Variants in SPAG17 observed in about 807,000 individuals in gnomAD.
The protein encoded by SPAG17 is sperm associated antigen 17.
In SPAG17, 169 loss-of-function variants were observed where a neutral mutation model predicts 273.6. The ratio of observed to expected loss-of-function variants is 0.62; its 90% CI spans 0.55 to 0.70. The LOEUF (loss-of-function observed/expected upper bound fraction) is 0.70. SPAG17 is among the 30% of genes least tolerant of loss of function. The pLI, the probability that SPAG17 is intolerant of heterozygous loss-of-function variation, is 0.00. For synonymous variants in SPAG17, 825 were observed against 873.2 expected, an observed-to-expected ratio of 0.94 and a Z score of 0.97; for missense variants, 2,557 against 2,627.8, an observed-to-expected ratio of 0.97 and a Z score of 0.59.
At chr1:118,074,458 T>G in intron 16 of SPAG17, 81 bp downstream of exon 16, 1 of 1,191,660 alleles carries the variant, frequency 8.4e-7, no homozygotes. Flanking sequence ...TTCTTTTTTC[T>G]TTTTCAGTGT....
chr1:118,049,615 A>C (rs1650770607), intron 20 of SPAG17, among the ~76,000 whole-genome samples: 1 of 152,264 alleles, frequency 6.6e-6, no homozygotes, highest in South Asian at 2.1e-4. Context: ...TGATCTACAG[A>C]TTCAATACAA....
Position 117,988,716 on chromosome 1 carries a change from G to A in SPAG17, c.5522-512C>T, listed in dbSNP as rs538101774. 2.1e-3 allele frequency among the ~76,000 whole-genome samples: 324 copies of A among 151,816 alleles called. 2 individuals are homozygous for A. The highest frequency in any genetic ancestry group is 7.7e-3 in the African/African-American group (317 of 41,390). ...CATGTTTCACGGTTATATGAGCTTG[G>A]GAAACACTGATTTATCCAAGGTTAA... is the stretch of plus-strand genomic sequence containing the variant. On this transcript the variant is annotated intron_variant, in intron 38 of 48. Transcript: ENST00000336338.
rs542764884 is a variant in SPAG17 at position 118,166,089 on chromosome 1, C to A, written c.88-14720G>T. On this transcript the variant is annotated intron_variant, in intron 1 of 48. Transcript: ENST00000336338. ...TCATATACATTTTTAGGATCACATGCTTTTTCATTGGTGTTTGTATAATTG... is the reference window on the plus strand; with the variant it reads ...TCATATACATTTTTAGGATCACATGATTTTTCATTGGTGTTTGTATAATTG... Among the ~76,000 whole-genome samples, 7 of 152,260 alleles carry A rather than the reference C, an allele frequency of 4.6e-5. No homozygotes were observed. The South Asian group carries it at 1.5e-3, about 32-fold the overall frequency.
rs771961193 is a variant in SPAG17 at position 118,101,763 on chromosome 1, T to G, written c.611A>C (p.Asp204Ala). The G allele has an allele frequency of 6.8e-6, 11 of 1,613,668 alleles. No individual in the cohort carries two copies. The East Asian group carries it at 2.0e-4, about 29-fold the overall frequency. Residue 204 changes from aspartate to alanine, a missense_variant, in exon 5 of 49, where the codon GAC becomes GCC. Physicochemically the swap from Asp to Ala is moderately radical, Grantham distance 126 (BLOSUM62 -2). Coordinates refer to ENST00000336338, the MANE Select transcript of SPAG17 (RefSeq NM_206996.4). ...KTTQLKRRGE[D>A]DHTNRYIDDE... is the part of the protein sequence containing the mutation. Reference sequence around the variant, plus strand: ...ACCAATGTAACGATTGGTGTGGTCGTCTTCTCCTCTCCGCTTTAACTGGGT... The same window carrying G: ...ACCAATGTAACGATTGGTGTGGTCGGCTTCTCCTCTCCGCTTTAACTGGGT...
At chr1:118,077,618 G>C (rs1654210150) in intron 15 of SPAG17, among the ~76,000 whole-genome samples, 1 of 152,092 alleles carries the variant, frequency 6.6e-6, no homozygotes, top group Non-Finnish European at 1.5e-5. Flanking sequence ...TATTAACCCA[G>C]AGTGACTTCC....
intron 18 of SPAG17, among the ~76,000 whole-genome samples, chr1:118,065,493 G>A (rs1038789470): frequency 8.6e-5 from 13 of 152,020 alleles, no homozygotes; most frequent in African/African-American, 3.1e-4. Context: ...AACCAAATAG[G>A]AATATTTAAA....
intron 46 of SPAG17, among the ~76,000 whole-genome samples, chr1:117,968,289 C>T (rs1654129030): frequency 1.3e-5 from 2 of 152,172 alleles, no homozygotes; most frequent in African/African-American, 2.4e-5. Context: ...TCAAAGACTA[C>T]GTGCTGGGTT....
rs201507191 is a variant in SPAG17, at chr1:117,973,532, G to A, written c.6034C>T (p.Pro2012Ser). 2 of 1,613,820 alleles carry A rather than the reference G, an allele frequency of 1.2e-6. No individual in the cohort carries two copies. Among genetic ancestry groups the A allele is most frequent in the Non-Finnish European group, 1.7e-6 (2 of 1,179,838 alleles). ...ACATCCTGCAGCAAGGACTGGGTTG[G>A]AATTTTCACGGGCTCATAAGATTCT... is the stretch of plus-strand genomic sequence containing the variant. ...EAESYEPVKI[P>S]TQSLLQDVAG... Residue 2012 changes from proline (P) to serine (S), a missense_variant, in exon 44 of 49, where the codon CCA becomes TCA. Coordinates refer to ENST00000336338, the MANE Select transcript of SPAG17 (RefSeq NM_206996.4).
chr1:118,132,402 T>TG (rs1264373673), intron 3 of SPAG17, among the ~76,000 whole-genome samples: 6 of 152,266 alleles, frequency 3.9e-5, no homozygotes, highest in African/African-American at 1.2e-4. Flanking sequence ...GGGATGAGGT[T>TG]GATACTGGAG....
chr1:117,990,487 A>G (rs1400564730), intron 38 of SPAG17, among the ~76,000 whole-genome samples: 1 of 152,232 alleles, frequency 6.6e-6, no homozygotes, highest in Non-Finnish European at 1.5e-5. Flanking sequence ...AGTTTTGGTT[A>G]TAACAGTGTA....
chr1:118,107,428 G>A (rs548889735), intron 4 of SPAG17, among the ~76,000 whole-genome samples: 13 of 152,208 alleles, frequency 8.5e-5, no homozygotes, highest in Admixed American at 7.2e-4. Flanking sequence ...CTCTAGCAAG[G>A]CCAAACTTGG....
At chr1:118,177,433 A>G (rs1230147008) in intron 1 of SPAG17, among the ~76,000 whole-genome samples, 2 of 152,148 alleles carry the variant, frequency 1.3e-5, no homozygotes, top group Non-Finnish European at 2.9e-5. Flanking sequence ...GTCTCTCTTG[A>G]CACATGGGGA....
At chr1:118,110,812 G>A (rs189762231) in intron 4 of SPAG17, among the ~76,000 whole-genome samples, 38 of 152,324 alleles carry the variant, frequency 2.5e-4, no homozygotes, top group African/African-American at 8.4e-4. Context: ...CTGATTGTGA[G>A]CCAAGAGTGC....
intron 42 of SPAG17, 60 bp from the exon 43 acceptor site, chr1:117,981,461 T>C: frequency 6.6e-7 from 1 of 1,508,706 alleles, no homozygotes; most frequent in Non-Finnish European, 8.9e-7. Flanking sequence ...TAATGACTAC[T>C]AATGTTTGCA....
intron 3 of SPAG17, among the ~76,000 whole-genome samples, chr1:118,127,596 T>C (rs1657812086): frequency 6.6e-6 from 1 of 152,246 alleles, no homozygotes; most frequent in Non-Finnish European, 1.5e-5. Flanking sequence ...TTCAACATGA[T>C]ATTTGGGTAG....
intron 18 of SPAG17, among the ~76,000 whole-genome samples, chr1:118,064,726 TAAAG>T (rs1358551637): frequency 2.0e-5 from 3 of 149,842 alleles, no homozygotes; most frequent in African/African-American, 7.4e-5. Flanking sequence ...CCCTAAAACT[TAAAG>T]TATAATAATA....
chr1:118,143,908 C>T (rs1189493158), intron 3 of SPAG17, among the ~76,000 whole-genome samples: 1 of 152,156 alleles, frequency 6.6e-6, no homozygotes, highest in Non-Finnish European at 1.5e-5. Flanking sequence ...TCCTGCCTTG[C>T]CCACTGCCTG....
chr1:118,058,173 A>G (rs1230790048), intron 18 of SPAG17, among the ~76,000 whole-genome samples: 1 of 152,198 alleles, frequency 6.6e-6, no homozygotes, highest in African/African-American at 2.4e-5. Flanking sequence ...TTTAAAAGAC[A>G]TAGGCTATCA....
In SPAG17 at chr1:118,115,313, C is replaced by T; in HGVS notation, c.444G>A (p.Lys148=). The T allele has an allele frequency of 6.2e-7, 1 of 1,613,318 alleles. No individual in the cohort carries two copies. Among genetic ancestry groups the T allele is most frequent in the Non-Finnish European group, 8.5e-7 (1 of 1,179,470 alleles). Residue 148 remains lysine, a synonymous_variant, in exon 4 of 49, where the codon AAG becomes AAA. Coordinates refer to ENST00000336338, the MANE Select transcript of SPAG17 (RefSeq NM_206996.4). ...AACCCACCAGATCGTACAGTACCTTCTTTTCATTTTCCCGTCGCTGTTGGT... is the reference window on the plus strand; with the variant it reads ...AACCCACCAGATCGTACAGTACCTTTTTTTCATTTTCCCGTCGCTGTTGGT... ...FKDQQRRENE[K]KVIEDKPKLE...
Sources: allele counts gnomAD v4.1 joint callset (sites outside exome capture counted in the v4.1 genomes callset), GRCh38; gene constraint gnomAD v4.1.1; transcripts MANE v1.5; gene names NCBI Gene and HGNC (gene_info 2026-07-23, HGNC 2026-07-21).